The following SLC24A4 variants were observed in gnomAD, a reference collection of about 807,000 sequenced individuals.
SLC24A4 encodes the protein sodium/potassium/calcium exchanger 4.
Under a neutral mutation model 79.0 loss-of-function variants are expected in SLC24A4, and 53 were observed. That is an observed-to-expected ratio of 0.67 (90% CI 0.54 to 0.84). SLC24A4 has a LOEUF of 0.84. SLC24A4 is among the 40% of genes least tolerant of loss of function. SLC24A4 has a pLI of 0.00. For missense variants in SLC24A4, 731 were observed against 822.0 expected, an observed-to-expected ratio of 0.89 and a Z score of 1.35; for synonymous variants, 323 against 323.8, an observed-to-expected ratio of 1.00 and a Z score of 0.03.
rs1171307519 is a variant in SLC24A4, at chr14:92,486,678, G to A, written c.1435G>A (p.Gly479Arg). 5 of 1,613,234 alleles carry A rather than the reference G, an allele frequency of 3.1e-6. No homozygotes were observed. The highest frequency in any genetic ancestry group is 1.1e-5 in the South Asian group (1 of 91,038). ...YIMVWLVTIIGYTLGIPDVIM... is the reference protein window; with the variant it reads ...YIMVWLVTIIRYTLGIPDVIM... ...CCACATTCTGCAGGTGACTATTATC[G>A]GATACACACTTGGGATCCCGGATGT... The change falls in exon 14 of 17, where the codon GGA becomes AGA. Residue 479 changes from glycine (G) to arginine (R), a missense_variant. Coordinates refer to ENST00000532405, the MANE Select transcript of SLC24A4 (RefSeq NM_153646.4).
chr14:92,449,009 A>G, intron 9 of SLC24A4, 65 bp from the exon 10 acceptor site: 1 of 1,590,706 alleles, frequency 6.3e-7, no homozygotes, highest in Non-Finnish European at 8.6e-7. Flanking sequence ...GGTGTGATCC[A>G]CCCGCTGCCC....
rs535600486 is a variant in SLC24A4, at chr14:92,386,414, T to C, written c.242-47498T>C. 2.0e-5 allele frequency among the ~76,000 whole-genome samples: 3 copies of C among 152,250 alleles called. No individual in the cohort carries two copies. The South Asian group carries it at 6.2e-4, about 32-fold the overall frequency. ...ACTTATTAGAATGCACATAAAGTAC[T>C]TGACATTCCTGCATTCTCCATTTTC... On this transcript the variant is annotated intron_variant, in intron 2 of 16. Transcript: ENST00000532405.
At chr14:92,419,721 T>C (rs1318654286) in intron 2 of SLC24A4, among the ~76,000 whole-genome samples, 2 of 152,360 alleles carry the variant, frequency 1.3e-5, no homozygotes, top group Admixed American at 6.5e-5. Context: ...ACAACTGCTC[T>C]GTTATTCCTA....
intron 2 of SLC24A4, among the ~76,000 whole-genome samples, chr14:92,378,448 T>C (rs536728095): frequency 6.6e-6 from 1 of 152,302 alleles, no homozygotes; most frequent in South Asian, 2.1e-4. Context: ...TCTGTTGTTG[T>C]CTCTTGTGGT....
Position 92,353,635 on chromosome 14 carries a change from G to C in SLC24A4, c.241+27657G>C, listed in dbSNP as rs2141649632. Among the ~76,000 whole-genome samples the C allele has an allele frequency of 6.6e-6, 1 of 152,310 alleles. No homozygotes were observed. The highest frequency in any genetic ancestry group is 1.9e-4 in the East Asian group (1 of 5,188). On this transcript the variant is annotated intron_variant, in intron 2 of 16. Transcript: ENST00000532405. This position sits in a 1 kb window ranked among gnomAD's most constrained non-coding sequence, Gnocchi z 4.1. ...CTCAGTTTGTTTCAGTCATGAGTGA[G>C]GTTGAGCATTTTTCCTATTAGAGTC...
At chr14:92,330,528 A>G (rs1216021104) in intron 2 of SLC24A4, among the ~76,000 whole-genome samples, 1 of 152,252 alleles carries the variant, frequency 6.6e-6, no homozygotes, top group Non-Finnish European at 1.5e-5. Flanking sequence ...TGTATGATGT[A>G]GGAATGAGTG....
intron 13 of SLC24A4, among the ~76,000 whole-genome samples, chr14:92,486,368 A>G (rs1239843451): frequency 2.0e-5 from 3 of 152,138 alleles, no homozygotes; most frequent in Non-Finnish European, 4.4e-5. Flanking sequence ...GAGGGCTCAG[A>G]GGGCCTGGGC....
At chr14:92,445,992 T>C (rs1892775507) in intron 8 of SLC24A4, among the ~76,000 whole-genome samples, 1 of 152,074 alleles carries the variant, frequency 6.6e-6, no homozygotes. Context: ...CGCCCAGGAG[T>C]TTGAGACCAG....
chr14:92,496,503 G>A lies in SLC24A4; in HGVS notation c.*2875G>A, dbSNP rs1895926471. 6.6e-6 allele frequency: 1 copy of A among 152,098 alleles called. No homozygotes were observed. The highest frequency in any genetic ancestry group is 2.4e-5 in the African/African-American group (1 of 41,410). The allele number at this position is 152,098 out of a possible 1,614,324, so 9.4% of individuals were successfully genotyped here. A position where few individuals can be genotyped will look rare whatever the true frequency, so the allele number is the denominator to read the frequency against. On this transcript the variant is annotated 3_prime_UTR_variant, in exon 17 of 17. Coordinates refer to ENST00000532405, the MANE Select transcript of SLC24A4 (RefSeq NM_153646.4). Reference sequence around the variant, plus strand: ...AAGAAAAAAAAAACCATTGCACTCAGATGGAAAATGCCTATAGACACAGGA... The same window carrying A: ...AAGAAAAAAAAAACCATTGCACTCAAATGGAAAATGCCTATAGACACAGGA...
At chr14:92,351,064 T>C (rs564011602) in intron 2 of SLC24A4, among the ~76,000 whole-genome samples, 1 of 152,304 alleles carries the variant, frequency 6.6e-6, no homozygotes, top group African/African-American at 2.4e-5. Context: ...GCCTCCAGAA[T>C]TGTGGAAAAT....
intron 2 of SLC24A4, among the ~76,000 whole-genome samples, chr14:92,346,715 A>G (rs1052305337): frequency 6.6e-6 from 1 of 152,324 alleles, no homozygotes; most frequent in Non-Finnish European, 1.5e-5. Flanking sequence ...TTGGCTGCTC[A>G]TTAGGGTGAC....
Position 92,490,874 on chromosome 14 carries a change from C to T in SLC24A4, c.1538-791C>T, listed in dbSNP as rs146652201. Among the ~76,000 whole-genome samples the T allele has an allele frequency of 1.3e-5, 2 of 152,352 alleles. No homozygotes were observed. The highest frequency in any genetic ancestry group is 2.4e-5 in the African/African-American group (1 of 41,570). Reference sequence around the variant, plus strand: ...GTGTATTGTCTTGTGGTTCCGGAGGCCAGAAGCCTGAAGGAGAGTCTGTCC... The same window carrying T: ...GTGTATTGTCTTGTGGTTCCGGAGGTCAGAAGCCTGAAGGAGAGTCTGTCC... On this transcript the variant is annotated intron_variant, in intron 14 of 16. Transcript: ENST00000532405. This position sits in a 1 kb window ranked among gnomAD's most constrained non-coding sequence, Gnocchi z 4.3.
At chr14:92,475,607 G>A (rs1406872050) in intron 12 of SLC24A4, among the ~76,000 whole-genome samples, 1 of 152,188 alleles carries the variant, frequency 6.6e-6, no homozygotes, top group Admixed American at 6.5e-5. Context: ...CTGAAGAGAG[G>A]CCAGATAGAT....
Position 92,413,388 on chromosome 14 carries a change from C to G in SLC24A4, c.242-20524C>G, listed in dbSNP as rs150783871. On this transcript the variant is annotated intron_variant, in intron 2 of 16. Coordinates refer to ENST00000532405, the MANE Select transcript of SLC24A4 (RefSeq NM_153646.4). ...CTTTGCCTAGAAAGTGTCTCTCTTT[C>G]CACCTGGATGTCTCCCAGGAAATCC... is the stretch of plus-strand genomic sequence containing the variant. 3.5e-3 allele frequency among the ~76,000 whole-genome samples: 536 copies of G among 152,210 alleles called. 6 individuals carry two copies. Among genetic ancestry groups the G allele is most frequent in the African/African-American group, 0.011 (470 of 41,526 alleles).
At chr14:92,458,256 C>A (rs1026591390) in intron 12 of SLC24A4, among the ~76,000 whole-genome samples, 1 of 152,230 alleles carries the variant, frequency 6.6e-6, no homozygotes, top group Non-Finnish European at 1.5e-5. Context: ...ACATTAAGAG[C>A]AGACTCAGAA....
chr14:92,342,423 G>A (rs969906865), intron 2 of SLC24A4, among the ~76,000 whole-genome samples: 6 of 147,164 alleles, frequency 4.1e-5, no homozygotes, highest in Non-Finnish European at 6.0e-5. Context: ...TGCTCTTGTC[G>A]CCCAGGCTGG....
intron 9 of SLC24A4, among the ~76,000 whole-genome samples, chr14:92,448,859 C>T (rs1471297950): frequency 6.6e-6 from 1 of 152,148 alleles, no homozygotes; most frequent in East Asian, 1.9e-4. Flanking sequence ...ACCACCAGCT[C>T]AATAGGAGCA....
intron 2 of SLC24A4, among the ~76,000 whole-genome samples, chr14:92,334,581 G>C (rs1347839841): frequency 6.6e-6 from 1 of 152,134 alleles, no homozygotes; most frequent in Non-Finnish European, 1.5e-5. Flanking sequence ...AAGTTGCACT[G>C]GATAAGTACA....
rs1046867827 is a variant in SLC24A4, at chr14:92,495,368, A to T, written c.*1740A>T. 3 of 152,114 alleles carry T rather than the reference A, an allele frequency of 2.0e-5. No individual in the cohort carries two copies. The highest frequency in any genetic ancestry group is 7.2e-5 in the African/African-American group (3 of 41,398). 9.4% of individuals were successfully genotyped at this position (152,114 alleles called of 1,614,324 possible). On this transcript the variant is annotated 3_prime_UTR_variant, in exon 17 of 17. Transcript: ENST00000532405. ...TCAGTATTAGTATCGTAGCTACACC[A>T]AGTTCAGGCTTCTCTTTTTGTTTTT...
Sources: gnomAD v4.1 joint callset for allele counts (sites outside exome capture counted in the v4.1 genomes callset) on GRCh38, gnomAD v4.1.1 for gene constraint, Gnocchi (gnomAD v3.1) non-coding constraint, MANE v1.5 for transcripts, NCBI Gene and HGNC (gene_info 2026-07-23, HGNC 2026-07-21) for gene names.